ZNF671: variants seen among roughly 807,000 people sequenced by gnomAD.
ZNF671 encodes zinc finger protein 671.
A neutral mutation model predicts 16.6 loss-of-function variants in ZNF671; 19 were observed. The observed-to-expected ratio is 1.14, with a 90% CI of 0.80 to 1.68. The LOEUF is 1.68. ZNF671 is among the 40% of genes most tolerant of loss of function. ZNF671 has a pLI of 0.00. For missense variants in ZNF671, 637 were observed against 659.8 expected, an observed-to-expected ratio of 0.97 and a Z score of 0.38; for synonymous variants, 238 against 236.3, an observed-to-expected ratio of 1.01 and a Z score of -0.06.
chr19:57,727,449 G>T lies in ZNF671; in HGVS notation c.80C>A (p.Pro27Gln). ...KCLRPRSRRLPLPAAVRAHGP... is the reference protein window; with the variant it reads ...KCLRPRSRRLQLPAAVRAHGP... ...GTGGGCGCGGACAGCTGCCGGGAGC[G>T]GCAGGCGTCTCGATCGGGGACGCAG... Residue 27 changes from proline to glutamine, a missense_variant, in exon 1 of 4, where the codon CCG becomes CAG. By Grantham distance (76) the Pro-to-Gln change is moderately conservative. Transcript: ENST00000317398. 1.2e-6 allele frequency: 2 copies of T among 1,612,494 alleles called. No individual in the cohort carries two copies. The highest frequency in any genetic ancestry group is 1.7e-6 in the Non-Finnish European group (2 of 1,179,568).
At chr19:57,726,344 AAAAG>A (rs1213843692) in intron 1 of ZNF671, among the ~76,000 whole-genome samples, 2 of 151,840 alleles carry the variant, frequency 1.3e-5, no homozygotes, top group Admixed American at 6.6e-5. Context: ...AACTAAAACT[AAAAG>A]AAAACACACA....
At chr19:57,722,118 T>C (rs1985895738) in intron 3 of ZNF671, 198 bp downstream of exon 3, 1 of 791,578 alleles carries the variant, frequency 1.3e-6, no homozygotes, top group South Asian at 1.8e-5. Flanking sequence ...GAAACATGGG[T>C]GTAAGGTGAA....
Position 57,720,389 on chromosome 19 carries a change from C to T in ZNF671, c.*92G>A, listed in dbSNP as rs1600048407. ...CAGCCTCCAGGGGAAGGCTTTCCTG[C>T]ATCTGCTGCACTCATTAACTACTGC... On this transcript the variant is annotated 3_prime_UTR_variant, in exon 4 of 4. Transcript: ENST00000317398. 6.7e-7 allele frequency: 1 copy of T among 1,496,476 alleles called. No homozygotes were observed. Among genetic ancestry groups the T allele is most frequent in the Non-Finnish European group, 8.9e-7 (1 of 1,117,772 alleles). 92.7% of individuals were successfully genotyped at this position (1,496,476 alleles called of 1,614,324 possible).
rs201295756 is a variant in ZNF671 at position 57,720,598 on chromosome 19, C to T, written c.1488G>A (p.Arg496=). Residue 496 remains arginine (R), a synonymous_variant, in exon 4 of 4, where the codon AGG becomes AGA. Transcript: ENST00000317398. ...TTTCCCCAGTGTGGACTTTCCAGTG[C>T]CTGATGAGGTTGGGTCTTTGAGTGA... ...KAFTQRPNLI[R]HWKVHTGERP... is the part of the protein sequence containing the mutation. 61 of 1,614,148 alleles carry T rather than the reference C, an allele frequency of 3.8e-5. No homozygotes were observed. In the East Asian group the frequency reaches 1.3e-3, roughly 34 times the overall value.
rs946581603 is a variant in ZNF671 at position 57,720,554 on chromosome 19, T to A, written c.1532A>T (p.Glu511Val). The A allele has an allele frequency of 1.9e-6, 3 of 1,614,122 alleles. No homozygotes were observed. The highest frequency in any genetic ancestry group is 2.5e-6 in the Non-Finnish European group (3 of 1,180,044). The change falls in exon 4 of 4, where the codon GAG becomes GTG. Residue 511 changes from glutamate (E) to valine (V), a missense_variant. Coordinates refer to ENST00000317398, the MANE Select transcript of ZNF671 (RefSeq NM_024833.3). ...HTGERPYVCSECGREFIRKQT... is the reference protein window; with the variant it reads ...HTGERPYVCSVCGREFIRKQT... ...TTTCCGGATGAATTCTCTCCCGCACTCACTACACACATAAGGCCTTTCCCC... is the reference window on the plus strand; with the variant it reads ...TTTCCGGATGAATTCTCTCCCGCACACACTACACACATAAGGCCTTTCCCC...
At position 57,720,266 on chromosome 19, in the gene ZNF671, C is replaced by T; in HGVS notation, c.*215G>A. The T allele has an allele frequency of 1.5e-6, 1 of 645,516 alleles. No homozygotes were observed. Among genetic ancestry groups the T allele is most frequent in the East Asian group, 2.6e-5 (1 of 39,192 alleles). 40.0% of individuals were successfully genotyped at this position (645,516 alleles called of 1,614,324 possible). A position where few individuals can be genotyped will look rare whatever the true frequency, so the allele number is the denominator to read the frequency against. The stretch of plus-strand genomic sequence containing the variant: ...CCTCCCAATGGCTGCTCCCAGAGTT[C>T]CACTCTAGGGTGAGCTGTTGGGCTG... On this transcript the variant is annotated 3_prime_UTR_variant, in exon 4 of 4. Transcript: ENST00000317398.
At position 57,723,351 on chromosome 19, in the gene ZNF671, A is replaced by T; in HGVS notation, c.139-11T>A. The T allele has an allele frequency of 1.3e-6, 2 of 1,597,384 alleles. No homozygotes were observed. Among genetic ancestry groups the T allele is most frequent in the Non-Finnish European group, 1.7e-6 (2 of 1,171,364 alleles). ...AAAGACCACACAGCCCTGCAACAAA[A>T]GGGACAGGAAGGACCATAAAAAGTC... On this transcript the variant is annotated splice_polypyrimidine_tract_variant and intron_variant, in intron 1 of 3. Coordinates refer to ENST00000317398, the MANE Select transcript of ZNF671 (RefSeq NM_024833.3).
At chr19:57,726,150 C>T (rs1568469014) in intron 1 of ZNF671, among the ~76,000 whole-genome samples, 2 of 141,086 alleles carry the variant, frequency 1.4e-5, no homozygotes, top group South Asian at 4.7e-4. Flanking sequence ...TCCCCACCCC[C>T]GTCTCTACTA....
chr19:57,725,308 A>G (rs1180812499), intron 1 of ZNF671, among the ~76,000 whole-genome samples: 1 of 151,776 alleles, frequency 6.6e-6, no homozygotes, highest in Admixed American at 6.6e-5. Context: ...TACCAAAAAT[A>G]CAAACAAATT....
rs199555398 is a variant in ZNF671 at position 57,721,170 on chromosome 19, T to G, written c.916A>C (p.Ile306Leu). Residue 306 changes from isoleucine (I) to leucine (L), a missense_variant, in exon 4 of 4, where the codon ATC (isoleucine) becomes CTC (leucine). By Grantham distance (5) the Ile-to-Leu change is conservative (BLOSUM62 2). Transcript: ENST00000317398. Reference sequence around the variant, plus strand: ...TCATAAGGCCTTTCTCCAGTGTGGATTCTCTGATGCCGAGCAAGTGTGTCT... The same window carrying G: ...TCATAAGGCCTTTCTCCAGTGTGGAGTCTCTGATGCCGAGCAAGTGTGTCT... The part of the protein sequence containing the change: ...RKDTLARHQR[I>L]HTGERPYECN... 1 of 1,613,824 alleles carries G rather than the reference T, an allele frequency of 6.2e-7. No individual in the cohort carries two copies. Among genetic ancestry groups the G allele is most frequent in the East Asian group, 2.2e-5 (1 of 44,864 alleles).
At chr19:57,726,619 C>CTTTGGGGTGAAGGGAGCGGT (rs1986058624) in intron 1 of ZNF671, among the ~76,000 whole-genome samples, 1 of 152,094 alleles carries the variant, frequency 6.6e-6, no homozygotes, top group Admixed American at 6.5e-5. Context: ...AATCTGACCT[C>CTTTGGGGTGAAGGGAGCGGT]CTGGCCTTGA....
rs1296630526 is a variant in ZNF671, at chr19:57,720,990, C to A, written c.1096G>T (p.Glu366Ter). The A allele has an allele frequency of 7.4e-6, 12 of 1,614,106 alleles. No individual in the cohort carries two copies. Among genetic ancestry groups the A allele is most frequent in the Non-Finnish European group, 1.0e-5 (12 of 1,180,044 alleles). The change falls in exon 4 of 4, where the codon GAA (glutamate) becomes TAA (stop). Residue 366 changes from glutamate to a stop codon, truncating the protein, a stop_gained. Coordinates refer to ENST00000317398, the MANE Select transcript of ZNF671 (RefSeq NM_024833.3). LOFTEE classifies it low-confidence loss of function (END_TRUNC). Reference sequence around the variant, plus strand: ...CATTTGCCACACTGATAGAGTCTTTCACCCGTGTGAACTCGCCTGTGCTCA... The same window carrying A: ...CATTTGCCACACTGATAGAGTCTTTAACCCGTGTGAACTCGCCTGTGCTCA... ...LIEHRRVHTG[E>*]RLYQCGKCGK...
Position 57,727,485 on chromosome 19 carries a change from C to T in ZNF671, c.44G>A (p.Gly15Glu), listed in dbSNP as rs777039618. 3 of 1,613,156 alleles carry T rather than the reference C, an allele frequency of 1.9e-6. No homozygotes were observed. The highest frequency in any genetic ancestry group is 2.2e-5 in the South Asian group (2 of 91,004). Residue 15 changes from glycine (G) to glutamate (E), a missense_variant, in exon 1 of 4, where the codon GGA becomes GAA. Coordinates refer to ENST00000317398, the MANE Select transcript of ZNF671 (RefSeq NM_024833.3). ...CGATCGGGGACGCAGGCACTTCCGT[C>T]CCTGCAGAGCATCAGACGCGTCTCG... is the stretch of plus-strand genomic sequence containing the variant. ...VSRDASDALQ[G>E]RKCLRPRSRR... is the part of the protein sequence containing the mutation.
intron 1 of ZNF671, among the ~76,000 whole-genome samples, chr19:57,725,927 C>A (rs565939242): frequency 6.7e-6 from 1 of 148,530 alleles, no homozygotes; most frequent in South Asian, 2.1e-4. Context: ...GAGCGAGACT[C>A]GTCTCCAAAA....
At chr19:57,726,324 A>T (rs543176661) in intron 1 of ZNF671, among the ~76,000 whole-genome samples, 1 of 151,866 alleles carries the variant, frequency 6.6e-6, no homozygotes, top group Non-Finnish European at 1.5e-5. Context: ...AAAAATAAAA[A>T]AAATAAATAA....
At chr19:57,722,066 T>C (rs1985894474) in intron 3 of ZNF671, 2 of 573,062 alleles carry the variant, frequency 3.5e-6, no homozygotes, top group South Asian at 4.5e-5. Context: ...TGAACATTAA[T>C]TGCAGGTCAA....
intron 1 of ZNF671, among the ~76,000 whole-genome samples, chr19:57,724,727 A>T (rs77645286): frequency 3.3e-5 from 5 of 152,050 alleles, no homozygotes; most frequent in Admixed American, 1.3e-4. Flanking sequence ...AGGTTTCACC[A>T]TGTTAGCCAG....
At chr19:57,724,761 G>A (rs898632195) in intron 1 of ZNF671, among the ~76,000 whole-genome samples, 5 of 152,092 alleles carry the variant, frequency 3.3e-5, no homozygotes, top group African/African-American at 9.6e-5. Context: ...TCCTGACCTC[G>A]TGATCCACCC....
In ZNF671 at chr19:57,721,531, T is replaced by C; in HGVS notation, c.555A>G (p.Gly185=). The C allele has an allele frequency of 6.2e-7, 1 of 1,614,188 alleles. No homozygotes were observed. The highest frequency in any genetic ancestry group is 8.5e-7 in the Non-Finnish European group (1 of 1,180,030). ...ACAAGTATGGTTTCTGCCTGGCTTT[T>C]CCCCCATGGTATTTAGCCAGGTGTA... ...DTLHLAKYHG[G]KARQKPYLCG... is the part of the protein sequence containing the mutation. The change falls in exon 4 of 4, where the codon GGA becomes GGG. Residue 185 remains glycine, a synonymous_variant. Coordinates refer to ENST00000317398, the MANE Select transcript of ZNF671 (RefSeq NM_024833.3).
Sources: gnomAD v4.1 joint callset for allele counts (sites outside exome capture counted in the v4.1 genomes callset) on GRCh38, gnomAD v4.1.1 for gene constraint, MANE v1.5 for transcripts, NCBI Gene and HGNC (gene_info 2026-07-23, HGNC 2026-07-21) for gene names.